The following CNTNAP5 variants were observed in gnomAD, a reference collection of about 807,000 sequenced individuals.
CNTNAP5 encodes contactin associated protein family member 5, also known as contactin-associated protein-like 5.
A neutral mutation model predicts 150.2 loss-of-function variants in CNTNAP5; 72 were observed. The ratio of observed to expected loss-of-function variants is 0.48; its 90% confidence interval spans 0.40 to 0.58. CNTNAP5 has a LOEUF of 0.58. Ranked by LOEUF, CNTNAP5 falls within the 20% of genes least tolerant of loss-of-function variation. CNTNAP5 has a pLI of 0.00. For missense variants in CNTNAP5, 1,636 were observed against 1,626.2 expected, an observed-to-expected ratio of 1.01 and a Z score of -0.10; for synonymous variants, 672 against 619.8, an observed-to-expected ratio of 1.08 and a Z score of -1.25.
intron 1 of CNTNAP5, among the ~76,000 whole-genome samples, chr2:124,079,642 G>C (rs1257636959): frequency 6.6e-6 from 1 of 152,152 alleles, no homozygotes; most frequent in South Asian, 2.1e-4. Context: ...GAAAATATCA[G>C]AAGTGTGTGG....
At chr2:124,638,208 TATATGATACATATA>T (rs1267115370) in intron 12 of CNTNAP5, among the ~76,000 whole-genome samples, 5 of 42,736 alleles carry the variant, frequency 1.2e-4, no homozygotes, top group Non-Finnish European at 1.9e-4. Context: ...ATAATACATA[TATATGATACATATA>T]TATGATACAT....
intron 3 of CNTNAP5, among the ~76,000 whole-genome samples, chr2:124,334,382 A>G (rs1689420928): frequency 6.6e-6 from 1 of 152,138 alleles, no homozygotes; most frequent in Non-Finnish European, 1.5e-5. Flanking sequence ...TCAGCTTGGG[A>G]GTTTTTCAGA....
intron 1 of CNTNAP5, among the ~76,000 whole-genome samples, chr2:124,082,239 C>T (rs982033414): frequency 6.6e-5 from 10 of 150,918 alleles, no homozygotes; most frequent in African/African-American, 2.2e-4. Context: ...GTCCCAGTTA[C>T]TCGGGAGGCT....
intron 1 of CNTNAP5, among the ~76,000 whole-genome samples, chr2:124,035,832 C>CCTGT (rs984241428): frequency 1.3e-5 from 2 of 151,722 alleles, no homozygotes; most frequent in African/African-American, 4.8e-5. Context: ...TTCCAGTATT[C>CCTGT]CTGTGTCACA....
chr2:124,694,523 A>G (rs1679365117), intron 13 of CNTNAP5, among the ~76,000 whole-genome samples: 1 of 152,186 alleles, frequency 6.6e-6, no homozygotes, highest in Non-Finnish European at 1.5e-5. Flanking sequence ...TTAATGATAT[A>G]AAAAATAAAA....
intron 10 of CNTNAP5, among the ~76,000 whole-genome samples, chr2:124,558,060 C>T (rs1041966463): frequency 3.3e-5 from 5 of 152,060 alleles, no homozygotes; most frequent in Admixed American, 2.6e-4. Flanking sequence ...AGAGGAGACG[C>T]GTTTAAAATG....
intron 3 of CNTNAP5, among the ~76,000 whole-genome samples, chr2:124,357,480 TG>T (rs1324488514): frequency 1.3e-5 from 2 of 152,104 alleles, no homozygotes; most frequent in Non-Finnish European, 2.9e-5. Context: ...AATTGATTTT[TG>T]TATAAGGTGT....
intron 3 of CNTNAP5, among the ~76,000 whole-genome samples, chr2:124,256,044 C>T (rs1224521801): frequency 1.3e-5 from 2 of 152,068 alleles, no homozygotes; most frequent in Non-Finnish European, 2.9e-5. Flanking sequence ...AAACACAGGG[C>T]TTGTGCTGGG....
At chr2:124,850,989 C>T (rs1343801409) in intron 19 of CNTNAP5, among the ~76,000 whole-genome samples, 1 of 152,096 alleles carries the variant, frequency 6.6e-6, no homozygotes, top group Non-Finnish European at 1.5e-5. Context: ...TAAAAAGAGG[C>T]ATTAGAGAAA....
chr2:124,300,165 G>A (rs1324273922), intron 3 of CNTNAP5, among the ~76,000 whole-genome samples: 1 of 152,106 alleles, frequency 6.6e-6, no homozygotes, highest in Non-Finnish European at 1.5e-5. Context: ...ACTCATTCCA[G>A]CTCTGTGGAT....
rs34294231 is a variant in CNTNAP5 at position 124,438,795 on chromosome 2, A to AT, written c.733+4114dup. On this transcript the variant is annotated intron_variant, in intron 5 of 23. Coordinates refer to ENST00000682447, the MANE Select transcript of CNTNAP5 (RefSeq NM_001367498.1). Reference sequence around the variant, plus strand: ...CTATAAAAGTTTTTTTTTAGTTGCCATTTTTTGAGAGCCCACATTTAGGCA... The same window carrying AT: ...CTATAAAAGTTTTTTTTTAGTTGCCATTTTTTTGAGAGCCCACATTTAGGCA... 1.7e-4 allele frequency among the ~76,000 whole-genome samples: 26 copies of AT among 152,096 alleles called. No homozygotes were observed. In the East Asian group the frequency reaches 4.4e-3, roughly 26 times the overall value.
intron 1 of CNTNAP5, among the ~76,000 whole-genome samples, chr2:124,041,257 T>C (rs991481): frequency 0.39 from 60,012 of 152,086 alleles, 12,255 homozygotes; most frequent in Admixed American, 0.45. Context: ...TAAATATCAA[T>C]TTTTGTTGGC....
intron 3 of CNTNAP5, among the ~76,000 whole-genome samples, chr2:124,321,294 T>C (rs1689093084): frequency 6.6e-6 from 1 of 151,888 alleles, no homozygotes; most frequent in Non-Finnish European, 1.5e-5. Context: ...AAATACAAAA[T>C]TAGTCGGGTG....
chr2:124,913,555 G>A (rs931372089), intron 23 of CNTNAP5, among the ~76,000 whole-genome samples: 2 of 152,030 alleles, frequency 1.3e-5, no homozygotes, highest in East Asian at 1.9e-4. Context: ...GTGTAAAAAT[G>A]TTCTAAATTT....
At chr2:124,722,452 G>A (rs1680068251) in intron 13 of CNTNAP5, among the ~76,000 whole-genome samples, 1 of 152,130 alleles carries the variant, frequency 6.6e-6, no homozygotes, top group Non-Finnish European at 1.5e-5. Flanking sequence ...AGGAGAAATT[G>A]AGAAGAAGAT....
intron 5 of CNTNAP5, among the ~76,000 whole-genome samples, chr2:124,437,343 C>T (rs576630167): frequency 7.4e-4 from 113 of 152,216 alleles, no homozygotes; most frequent in African/African-American, 2.7e-3. Flanking sequence ...GTGGTAATGT[C>T]CAGTCCGATC....
At chr2:124,636,018 A>G (rs1677962382) in intron 12 of CNTNAP5, among the ~76,000 whole-genome samples, 1 of 152,232 alleles carries the variant, frequency 6.6e-6, no homozygotes, top group Admixed American at 6.5e-5. Context: ...TATGTCTTAC[A>G]GGAAGTTTTG....
chr2:124,073,975 G>A (rs973944524), intron 1 of CNTNAP5, among the ~76,000 whole-genome samples: 1 of 152,026 alleles, frequency 6.6e-6, no homozygotes, highest in African/African-American at 2.4e-5. Flanking sequence ...AGAAAATGTG[G>A]TACATATACA....
intron 8 of CNTNAP5, among the ~76,000 whole-genome samples, chr2:124,522,427 G>T (rs916399101): frequency 6.6e-6 from 1 of 152,234 alleles, no homozygotes; most frequent in East Asian, 1.9e-4. Context: ...CTCTAGCCTT[G>T]ACCCCTTCCA....
Sources: allele counts gnomAD v4.1 joint callset (sites outside exome capture counted in the v4.1 genomes callset), GRCh38; gene constraint gnomAD v4.1.1; transcripts MANE v1.5; gene names NCBI Gene and HGNC (gene_info 2026-07-23, HGNC 2026-07-21).